Variants in DLGAP2 observed in about 807,000 individuals in gnomAD.
DLGAP2 encodes DLG associated protein 2, also known as disks large-associated protein 2.
In DLGAP2, 26 loss-of-function variants were observed where a neutral mutation model predicts 100.3. That is an observed-to-expected ratio of 0.26 (90% CI 0.19 to 0.36). The LOEUF (loss-of-function observed/expected upper bound fraction) is 0.36. Ranked by LOEUF, DLGAP2 falls within the 10% of genes least tolerant of loss-of-function variation. The pLI is 1.00. For synonymous variants in DLGAP2, 886 were observed against 630.1 expected, an observed-to-expected ratio of 1.41 and a Z score of -6.08; for missense variants, 1,858 against 1,453.2, an observed-to-expected ratio of 1.28 and a Z score of -4.53.
chr8:1,318,789 G>GC (rs1488752783), intron 3 of DLGAP2, among the ~76,000 whole-genome samples: 1 of 54,882 alleles, frequency 1.8e-5, no homozygotes, highest in Non-Finnish European at 3.9e-5. Flanking sequence ...CCCCCCCCCC[G>GC]CCCCCTCGCC....
intron 3 of DLGAP2, chr8:1,302,631 A>G (rs1303737292): frequency 2.6e-5 from 4 of 152,314 alleles, no homozygotes; most frequent in African/African-American, 7.2e-5. Context: ...GCCCTGCTCC[A>G]TACCCGGGAC....
intron 7 of DLGAP2, 149 bp downstream of exon 7, chr8:1,627,036 A>G: frequency 1.1e-6 from 1 of 925,566 alleles, no homozygotes; most frequent in Admixed American, 2.8e-5. Context: ...CCCTGGAATT[A>G]GCTCTGGCTG....
At chr8:802,105 C>T (rs1488520849) in intron 1 of DLGAP2, among the ~76,000 whole-genome samples, 1,671 of 86,842 alleles carry the variant, frequency 0.019, no homozygotes, top group East Asian at 0.085. Flanking sequence ...GGGAATGGTC[C>T]ACACACCTCC....
chr8:1,636,582 A>T (rs765084150), intron 8 of DLGAP2, among the ~76,000 whole-genome samples: 2 of 152,190 alleles, frequency 1.3e-5, no homozygotes, highest in African/African-American at 4.8e-5. Context: ...AAATATGACT[A>T]TGTATTTGAT....
At chr8:1,092,630 A>C (rs911662579) in intron 2 of DLGAP2, among the ~76,000 whole-genome samples, 1 of 152,210 alleles carries the variant, frequency 6.6e-6, no homozygotes. Flanking sequence ...TCAAGGCTGC[A>C]GACATTGATT....
chr8:755,865 G>A (rs1820905776), intron 1 of DLGAP2, among the ~76,000 whole-genome samples: 1 of 152,238 alleles, frequency 6.6e-6, no homozygotes, highest in Admixed American at 6.5e-5. Context: ...TCAGGGCTGT[G>A]CCACCCACAC....
chr8:1,307,912 A>G (rs930717975), intron 3 of DLGAP2, among the ~76,000 whole-genome samples: 19 of 151,288 alleles, frequency 1.3e-4, no homozygotes, highest in East Asian at 9.6e-4. Context: ...AGAGTTTCAC[A>G]TGAGGAAAAG....
At chr8:782,997 T>C (rs1289371090) in intron 1 of DLGAP2, among the ~76,000 whole-genome samples, 2 of 152,150 alleles carry the variant, frequency 1.3e-5, no homozygotes, top group African/African-American at 4.8e-5. Context: ...CAGCACTTCG[T>C]GAGATTAACC....
chr8:1,157,451 A>T (rs1351536641), intron 2 of DLGAP2, among the ~76,000 whole-genome samples: 1 of 152,124 alleles, frequency 6.6e-6, no homozygotes, highest in Non-Finnish European at 1.5e-5. Context: ...AATGTTTTTC[A>T]TTCCCTTTCA....
Position 1,573,745 on chromosome 8 carries a change from G to T in DLGAP2, c.1442+7851G>T, listed in dbSNP as rs372669088. On this transcript the variant is annotated intron_variant, in intron 6 of 14. Transcript: ENST00000637795. ...TTTGTGAATAAAGTTTTATTGGAATGTGGCCCGCTCACTGGTCATCATGTT... is the reference window on the plus strand; with the variant it reads ...TTTGTGAATAAAGTTTTATTGGAATTTGGCCCGCTCACTGGTCATCATGTT... 3.3e-5 allele frequency among the ~76,000 whole-genome samples: 5 copies of T among 152,256 alleles called. No homozygotes were observed. In the South Asian group the frequency reaches 1.0e-3, roughly 32 times the overall value.
intron 2 of DLGAP2, among the ~76,000 whole-genome samples, chr8:1,207,001 C>T (rs190658261): frequency 6.6e-5 from 10 of 152,204 alleles, no homozygotes; most frequent in Admixed American, 5.2e-4. Flanking sequence ...AGAGGCTCCT[C>T]CTGTCCCCAC....
At chr8:1,553,810 C>A (rs1370285223) in intron 5 of DLGAP2, among the ~76,000 whole-genome samples, 4 of 152,196 alleles carry the variant, frequency 2.6e-5, no homozygotes, top group Non-Finnish European at 5.9e-5. Context: ...CCGTGCAGAT[C>A]CCTGGCTTTC....
At chr8:975,745 A>G (rs554328219) in intron 2 of DLGAP2, among the ~76,000 whole-genome samples, 1 of 152,356 alleles carries the variant, frequency 6.6e-6, no homozygotes, top group East Asian at 1.9e-4. Context: ...TTGATAAGGA[A>G]TATTTACAAA....
At chr8:1,070,575 T>C (rs557388009) in intron 2 of DLGAP2, among the ~76,000 whole-genome samples, 65 of 152,268 alleles carry the variant, frequency 4.3e-4, no homozygotes, top group African/African-American at 1.4e-3. Flanking sequence ...TGTCTACTCA[T>C]GTTCCAAACA....
intron 3 of DLGAP2, among the ~76,000 whole-genome samples, chr8:1,291,134 A>C (rs573771774): frequency 6.6e-6 from 1 of 152,216 alleles, no homozygotes; most frequent in Admixed American, 6.5e-5. Context: ...TCTAGGTAAC[A>C]GTCATCACGA....
chr8:1,242,170 A>G (rs1798811214), intron 2 of DLGAP2, among the ~76,000 whole-genome samples: 1 of 152,190 alleles, frequency 6.6e-6, no homozygotes, highest in South Asian at 2.1e-4. Flanking sequence ...TAACACGAAG[A>G]CACTAATTAG....
rs530491980 is a variant in DLGAP2 at position 1,090,276 on chromosome 8, T to C, written c.74-168575T>C. 2.5e-3 allele frequency among the ~76,000 whole-genome samples: 381 copies of C among 151,472 alleles called. 2 individuals are homozygous for C. The highest frequency in any genetic ancestry group is 8.9e-3 in the African/African-American group (367 of 41,156). The stretch of plus-strand genomic sequence containing the variant: ...GAGGACCTGCTGCCTGTCTGCCCTC[T>C]GGAGCCCTCCTGGCCAGGCAGGGGT... On this transcript the variant is annotated intron_variant, in intron 2 of 14. Transcript: ENST00000637795.
intron 2 of DLGAP2, among the ~76,000 whole-genome samples, chr8:1,133,979 C>G (rs1796350472): frequency 6.6e-6 from 1 of 151,808 alleles, no homozygotes; most frequent in African/African-American, 2.4e-5. Context: ...GTTACTTTTC[C>G]TACTCCTCCC....
In DLGAP2 at chr8:1,439,482, C is replaced by A. The variant is rs183356879; in HGVS notation, c.107-61884C>A. ...TGCTGCCCAGCCTTGCTGACCAGGG[C>A]TCCAGGGCTCAGCCCTGTCATCAGA... On this transcript the variant is annotated intron_variant, in intron 3 of 14. Transcript: ENST00000637795. Among the ~76,000 whole-genome samples, 43 of 152,290 alleles carry A rather than the reference C, an allele frequency of 2.8e-4. 1 individual carries two copies. The highest frequency in any genetic ancestry group is 3.4e-3 in the Middle Eastern group (1 of 294).
Sources: allele counts gnomAD v4.1 joint callset (sites outside exome capture counted in the v4.1 genomes callset), GRCh38; gene constraint gnomAD v4.1.1; transcripts MANE v1.5; gene names NCBI Gene and HGNC (gene_info 2026-07-23, HGNC 2026-07-21).